The following PPARG variants were observed in gnomAD, a reference collection of about 807,000 sequenced individuals.
PPARG encodes peroxisome proliferator-activated receptor gamma.
PPARG carries 17 observed loss-of-function variants against 39.2 expected under a neutral mutation model. The ratio of observed to expected loss-of-function variants is 0.43; its 90% CI spans 0.30 to 0.65. The LOEUF is 0.65. Among genes scored for constraint, PPARG ranks in the 30% least tolerant of loss-of-function variants. The pLI is 0.13. For synonymous variants in PPARG, 223 were observed against 215.7 expected, an observed-to-expected ratio of 1.03 and a Z score of -0.30; for missense variants, 406 against 585.9, an observed-to-expected ratio of 0.69 and a Z score of 3.17.
chr3:12,416,652 C>G (rs376287991), intron 6 of PPARG, 52 bp from the exon 7 acceptor site: 29 of 1,547,082 alleles, frequency 1.9e-5, no homozygotes, highest in African/African-American at 2.7e-5. Context: ...ATGGCATTCA[C>G]TGTGAGTTAG....
rs1024724077 is a variant in PPARG, at chr3:12,310,754, T to C, written c.-82-1626T>C. ...CTGGGATTACAGGCGTGAGCCACCG[T>C]GCCCGGCCGAGCCCTTTTTAATAGT... On this transcript the variant is annotated intron_variant, in intron 1 of 7. Coordinates refer to ENST00000651735, the MANE Select transcript of PPARG (RefSeq NM_138711.6). Among the ~76,000 whole-genome samples the C allele has an allele frequency of 5.7e-5, 4 of 69,574 alleles. 2 individuals carry two copies. The highest frequency in any genetic ancestry group is 0.018 in the Middle Eastern group (2 of 112). 45.6% of individuals were successfully genotyped at this position (69,574 alleles called of 152,430 possible).
Position 12,425,541 on chromosome 3 carries a change from C to T in PPARG, c.1181-8357C>T, listed in dbSNP as rs377717978. Among the ~76,000 whole-genome samples, 6 of 152,108 alleles carry T rather than the reference C, an allele frequency of 3.9e-5. No homozygotes were observed. The East Asian group carries it at 1.2e-3, about 29-fold the overall frequency. On this transcript the variant is annotated intron_variant, in intron 7 of 7. Coordinates refer to ENST00000651735, the MANE Select transcript of PPARG (RefSeq NM_138711.6). ...CCAGAGCATCGCAGGGTAGAGCCAC[C>T]AGACGGATTCAGGGCATGGAGATGG...
chr3:12,430,658 A>G (rs1159642042), intron 7 of PPARG, among the ~76,000 whole-genome samples: 1 of 152,204 alleles, frequency 6.6e-6, no homozygotes, highest in Non-Finnish European at 1.5e-5. Flanking sequence ...GTAATCTACT[A>G]GTATAGTAGC....
intron 2 of PPARG, among the ~76,000 whole-genome samples, chr3:12,356,646 ATATT>A (rs1037654794): frequency 3.9e-5 from 6 of 152,198 alleles, no homozygotes; most frequent in Admixed American, 3.9e-4. Context: ...CAGTCTAATA[ATATT>A]TATTGAGTGC....
At chr3:12,296,965 A>AT (rs1223009443) in intron 1 of PPARG, among the ~76,000 whole-genome samples, 4 of 152,136 alleles carry the variant, frequency 2.6e-5, no homozygotes, top group African/African-American at 9.7e-5. Context: ...GATTGAAGAG[A>AT]TTTACACTCA....
At chr3:12,317,600 A>G (rs1221519380) in intron 2 of PPARG, among the ~76,000 whole-genome samples, 1 of 152,128 alleles carries the variant, frequency 6.6e-6, no homozygotes, top group Non-Finnish European at 1.5e-5. Context: ...TTATTATTGT[A>G]TAATTATGTT....
In PPARG at chr3:12,426,373, G is replaced by A. The variant is rs1575154346; in HGVS notation, c.1181-7525G>A. On this transcript the variant is annotated intron_variant, in intron 7 of 7. Coordinates refer to ENST00000651735, the MANE Select transcript of PPARG (RefSeq NM_138711.6). ...AGCATTTGCAAGATCTCTATTTTAT[G>A]TCATCCCCTTTCCCTGAAAGCAGCA... Among the ~76,000 whole-genome samples, 4 of 152,176 alleles carry A rather than the reference G, an allele frequency of 2.6e-5. No individual in the cohort carries two copies. In the South Asian group the frequency reaches 6.2e-4, roughly 24 times the overall value.
At chr3:12,345,929 G>A (rs540388506) in intron 2 of PPARG, among the ~76,000 whole-genome samples, 1 of 152,250 alleles carries the variant, frequency 6.6e-6, no homozygotes, top group Admixed American at 6.5e-5. Context: ...ATGTTTTAGA[G>A]GTTTAGGTTT....
Position 12,351,571 on chromosome 3 carries a change from C to T in PPARG, c.-8-28133C>T, listed in dbSNP as rs200479885. ...GACAAAATATCAGTGTGAATTACAGCAAACCCCTATTCCATGCTGTTATGG... is the reference window on the plus strand; with the variant it reads ...GACAAAATATCAGTGTGAATTACAGTAAACCCCTATTCCATGCTGTTATGG... On this transcript the variant is annotated intron_variant, in intron 2 of 7. Coordinates refer to ENST00000651735, the MANE Select transcript of PPARG (RefSeq NM_138711.6). The T allele has an allele frequency of 3.5e-4, 543 of 1,556,594 alleles. 5 individuals carry two copies. The South Asian group carries it at 5.6e-3, about 16-fold the overall frequency.
chr3:12,345,648 A>G (rs911092996), intron 2 of PPARG, among the ~76,000 whole-genome samples: 2 of 152,188 alleles, frequency 1.3e-5, no homozygotes, highest in African/African-American at 4.8e-5. Context: ...TCCTTATATC[A>G]AAAATTAAGA....
At chr3:12,337,244 A>G (rs2125061222) in intron 2 of PPARG, among the ~76,000 whole-genome samples, 1 of 152,316 alleles carries the variant, frequency 6.6e-6, no homozygotes, top group Non-Finnish European at 1.5e-5. Context: ...GATGGCAGAA[A>G]ATAAGAATAT....
rs183787143 is a variant in PPARG, at chr3:12,363,817, C to T, written c.-8-15887C>T. Among the ~76,000 whole-genome samples, 21 of 152,312 alleles carry T rather than the reference C, an allele frequency of 1.4e-4. No individual in the cohort carries two copies. In the East Asian group the frequency reaches 3.7e-3, roughly 27 times the overall value. ...GCCAAAACCAAAACGTGGAAGGGGA[C>T]CTAGCCGAGGAAAACATTCCAGCTT... is the stretch of plus-strand genomic sequence containing the variant. On this transcript the variant is annotated intron_variant, in intron 2 of 7. Transcript: ENST00000651735.
At chr3:12,366,608 G>A (rs967707362) in intron 2 of PPARG, among the ~76,000 whole-genome samples, 3 of 151,968 alleles carry the variant, frequency 2.0e-5, no homozygotes, top group African/African-American at 7.3e-5. Context: ...AGTTTAGGAA[G>A]TTTTCTTATT....
chr3:12,359,889 T>A (rs2125114584), intron 2 of PPARG, among the ~76,000 whole-genome samples: 1 of 152,084 alleles, frequency 6.6e-6, no homozygotes, highest in East Asian at 1.9e-4. Flanking sequence ...GGCAGGGTGG[T>A]CTCAAACTCC....
chr3:12,320,491 A>G (rs1254407045), intron 2 of PPARG, among the ~76,000 whole-genome samples: 2 of 152,200 alleles, frequency 1.3e-5, no homozygotes, highest in Non-Finnish European at 2.9e-5. Context: ...ATATTTCTGC[A>G]TTTATTTATT....
intron 7 of PPARG, among the ~76,000 whole-genome samples, chr3:12,424,715 G>A (rs1175542): frequency 0.6 from 90,861 of 151,932 alleles, 28,544 homozygotes; most frequent in African/African-American, 0.8. Flanking sequence ...GCTCACCAGC[G>A]TCACAAGTAG....
intron 7 of PPARG, among the ~76,000 whole-genome samples, chr3:12,417,877 C>CTTTTTTTTTCTTTTTT (rs2051116625): frequency 1.5e-5 from 1 of 64,652 alleles, no homozygotes; most frequent in African/African-American, 4.7e-5. Context: ...TGACTTTTTT[C>CTTTTTTTTTCTTTTTT]TTTTTTTTTT....
chr3:12,415,107 TTCAGGAGAGAATTG>T (rs2051013564), intron 6 of PPARG, among the ~76,000 whole-genome samples: 1 of 152,148 alleles, frequency 6.6e-6, no homozygotes, highest in Non-Finnish European at 1.5e-5. Context: ...CTTCTCTCCT[TTCAGGAGAGAATTG>T]TCAGCATCTC....
intron 6 of PPARG, among the ~76,000 whole-genome samples, chr3:12,409,717 C>T (rs1205080122): frequency 2.0e-5 from 3 of 152,166 alleles, no homozygotes; most frequent in Non-Finnish European, 4.4e-5. Context: ...GGGGAGGCTA[C>T]TCAGAATAGT....
Sources: allele counts gnomAD v4.1 joint callset (sites outside exome capture counted in the v4.1 genomes callset), GRCh38; gene constraint gnomAD v4.1.1; transcripts MANE v1.5; gene names NCBI Gene and HGNC (gene_info 2026-07-23, HGNC 2026-07-21).